Variants in GRM5 observed in about 807,000 individuals in gnomAD.
GRM5 encodes metabotropic glutamate receptor 5.
A neutral mutation model predicts 83.1 loss-of-function variants in GRM5; 19 were observed. That is an observed-to-expected ratio of 0.23 (90% CI 0.16 to 0.34). GRM5 has a LOEUF of 0.34. Ranked by LOEUF, GRM5 falls within the 10% of genes least tolerant of loss-of-function variation. GRM5 has a pLI of 1.00. For missense variants in GRM5, 1,160 were observed against 1,588.3 expected (o/e 0.73, Z 4.58); for synonymous variants, 675 against 633.6 (o/e 1.07, Z -0.98).
At chr11:88,711,680 A>T (rs1941283460) in intron 3 of GRM5, among the ~76,000 whole-genome samples, 1 of 152,140 alleles carries the variant, frequency 6.6e-6, no homozygotes, top group Non-Finnish European at 1.5e-5. Context: ...TATTGAAAGG[A>T]TAAATGCAAT....
chr11:88,962,303 A>C (rs1472263953), intron 2 of GRM5, among the ~76,000 whole-genome samples: 2 of 152,044 alleles, frequency 1.3e-5, no homozygotes, highest in African/African-American at 4.8e-5. Context: ...TTCCATCCAC[A>C]CACTCATTTG....
At chr11:88,964,455 T>G (rs185602157) in intron 2 of GRM5, among the ~76,000 whole-genome samples, 100 of 152,128 alleles carry the variant, frequency 6.6e-4, no homozygotes, top group Non-Finnish European at 9.3e-4. Context: ...AACTAGAACA[T>G]GCACATTTTT....
intron 7 of GRM5, among the ~76,000 whole-genome samples, chr11:88,585,696 G>C (rs949038749): frequency 6.6e-6 from 1 of 152,022 alleles, no homozygotes; most frequent in Non-Finnish European, 1.5e-5. Context: ...TTACTGTTAT[G>C]GGCTCTCACA....
At chr11:88,756,676 C>T (rs1404566955) in intron 3 of GRM5, among the ~76,000 whole-genome samples, 1 of 151,820 alleles carries the variant, frequency 6.6e-6, no homozygotes, top group Admixed American at 6.6e-5. Context: ...ATAAATTATA[C>T]ATTGTATATT....
chr11:89,036,651 A>C (rs1279388565), intron 2 of GRM5, among the ~76,000 whole-genome samples: 2 of 40,908 alleles, frequency 4.9e-5, no homozygotes, highest in East Asian at 1.5e-3. Context: ...CAAGACTATT[A>C]ATCAGTATTT....
chr11:88,688,694 C>T (rs1477448577), intron 3 of GRM5, among the ~76,000 whole-genome samples: 1 of 152,024 alleles, frequency 6.6e-6, no homozygotes, highest in Non-Finnish European at 1.5e-5. Flanking sequence ...TCACTATTGT[C>T]AAAGACATCA....
intron 7 of GRM5, among the ~76,000 whole-genome samples, chr11:88,572,426 G>A (rs1943023622): frequency 6.6e-6 from 1 of 152,132 alleles, no homozygotes; most frequent in Non-Finnish European, 1.5e-5. Flanking sequence ...AACAATATCA[G>A]TTCTGTTTTA....
At chr11:88,692,303 C>T (rs919664713) in intron 3 of GRM5, among the ~76,000 whole-genome samples, 1 of 152,192 alleles carries the variant, frequency 6.6e-6, no homozygotes, top group Non-Finnish European at 1.5e-5. Context: ...CTGTCTTTAG[C>T]AATTCCTATT....
At chr11:88,615,415 A>G (rs1938448381) in intron 4 of GRM5, among the ~76,000 whole-genome samples, 2 of 152,182 alleles carry the variant, frequency 1.3e-5, no homozygotes, top group African/African-American at 4.8e-5. Flanking sequence ...TTCATGAGGC[A>G]TCAGGACTTC....
intron 3 of GRM5, among the ~76,000 whole-genome samples, chr11:88,774,248 CTGTT>C (rs1217266679): frequency 6.7e-6 from 1 of 149,704 alleles, no homozygotes; most frequent in Non-Finnish European, 1.5e-5. Context: ...ATTTGGCTCT[CTGTT>C]TGTCTTCATG....
intron 3 of GRM5, among the ~76,000 whole-genome samples, chr11:88,811,640 C>G (rs1943590164): frequency 6.6e-6 from 1 of 152,028 alleles, no homozygotes; most frequent in Non-Finnish European, 1.5e-5. Flanking sequence ...GGAGAACGGT[C>G]TCTATAATTT....
At chr11:88,931,077 G>GTT (rs201608065) in intron 2 of GRM5, among the ~76,000 whole-genome samples, 9 of 151,856 alleles carry the variant, frequency 5.9e-5, no homozygotes, top group Non-Finnish European at 1.2e-4. Context: ...TTTAATGAGA[G>GTT]TTTTTTTAAA....
At chr11:88,827,208 A>G (rs968207213) in intron 3 of GRM5, among the ~76,000 whole-genome samples, 1 of 152,200 alleles carries the variant, frequency 6.6e-6, no homozygotes, top group Admixed American at 6.5e-5. Context: ...TCAATGTGCT[A>G]AGGGCAGTGC....
At chr11:89,042,780 A>T (rs1460615182) in intron 2 of GRM5, among the ~76,000 whole-genome samples, 1 of 150,858 alleles carries the variant, frequency 6.6e-6, no homozygotes, top group Non-Finnish European at 1.5e-5. Flanking sequence ...AAGTTCCTTC[A>T]ATCAAAGCTG....
chr11:88,815,639 G>A (rs1943662059), intron 3 of GRM5, among the ~76,000 whole-genome samples: 1 of 152,180 alleles, frequency 6.6e-6, no homozygotes, highest in South Asian at 2.1e-4. Flanking sequence ...AAGCTTGTAT[G>A]TGCAGAGATC....
At chr11:88,838,745 G>A (rs1944138917) in intron 3 of GRM5, among the ~76,000 whole-genome samples, 1 of 151,952 alleles carries the variant, frequency 6.6e-6, no homozygotes, top group African/African-American at 2.4e-5. Flanking sequence ...TCTCCTCATT[G>A]TTTATAACAG....
At chr11:88,968,916 G>A (rs1049967340) in intron 2 of GRM5, among the ~76,000 whole-genome samples, 61 of 152,138 alleles carry the variant, frequency 4.0e-4, no homozygotes, top group Admixed American at 1.0e-3. Context: ...AGCCAGGATC[G>A]GGTTTTTTAG....
chr11:88,596,427 T>G (rs1297349736), intron 6 of GRM5, among the ~76,000 whole-genome samples: 1 of 152,158 alleles, frequency 6.6e-6, no homozygotes, highest in African/African-American at 2.4e-5. Context: ...TAATAAAAAT[T>G]AAGTTCAATG....
chr11:88,712,862 T>C (rs1157973762), intron 3 of GRM5, among the ~76,000 whole-genome samples: 1 of 152,104 alleles, frequency 6.6e-6, no homozygotes, highest in Non-Finnish European at 1.5e-5. Flanking sequence ...ATATAAAGAA[T>C]AATGTAAAGC....
Sources: allele counts gnomAD v4.1 joint callset (sites outside exome capture counted in the v4.1 genomes callset), GRCh38; gene constraint gnomAD v4.1.1; transcripts MANE v1.5; gene names NCBI Gene and HGNC (gene_info 2026-07-23, HGNC 2026-07-21).